The following LMNTD1 variants were observed in gnomAD, a reference collection of about 807,000 sequenced individuals.
LMNTD1 encodes the protein lamin tail domain-containing protein 1.
In LMNTD1, 35 loss-of-function variants were observed where a neutral mutation model predicts 50.9. The ratio of observed to expected loss-of-function variants is 0.69; its 90% CI spans 0.53 to 0.91. The LOEUF is 0.91. LMNTD1 is among the 40% of genes least tolerant of loss of function. LMNTD1 has a pLI of 0.00. For missense variants in LMNTD1, 470 were observed against 475.5 expected (o/e 0.99, Z 0.11); for synonymous variants, 153 against 161.9 (o/e 0.94, Z 0.42).
Position 25,488,670 on chromosome 12 carries a change from T to C in LMNTD1, c.*23-12210A>G, listed in dbSNP as rs1400161696. Among the ~76,000 whole-genome samples the C allele has an allele frequency of 1.6e-4, 25 of 152,304 alleles. No homozygotes were observed. The South Asian group carries it at 5.2e-3, about 32-fold the overall frequency. On this transcript the variant is annotated intron_variant, in intron 9 of 9. Coordinates refer to ENST00000458174, the MANE Select transcript of LMNTD1 (RefSeq NM_001145728.2). Reference sequence around the variant, plus strand: ...TCTCCATCCAGCTTTGTTCCGTTGCTGGTGAGGAACTGCGTTCCTTTGGAG... The same window carrying C: ...TCTCCATCCAGCTTTGTTCCGTTGCCGGTGAGGAACTGCGTTCCTTTGGAG...
At chr12:25,620,924 C>T (rs1479725691) in intron 1 of LMNTD1, among the ~76,000 whole-genome samples, 3 of 152,168 alleles carry the variant, frequency 2.0e-5, no homozygotes, top group Non-Finnish European at 4.4e-5. Flanking sequence ...CCCAACTTTA[C>T]AGATGGAGAG....
intron 6 of LMNTD1, among the ~76,000 whole-genome samples, chr12:25,522,230 A>AT (rs1009332246): frequency 6.6e-6 from 1 of 152,178 alleles, no homozygotes; most frequent in Non-Finnish European, 1.5e-5. Context: ...TTAGTTACGA[A>AT]TCCTCCCTTT....
intron 9 of LMNTD1, among the ~76,000 whole-genome samples, chr12:25,489,889 G>A (rs1358182141): frequency 1.3e-5 from 2 of 152,050 alleles, no homozygotes. Flanking sequence ...AAATTTATTG[G>A]TTTCACTTGA....
chr12:25,560,002 C>A (rs1044445562), intron 1 of LMNTD1, among the ~76,000 whole-genome samples: 2 of 152,182 alleles, frequency 1.3e-5, no homozygotes, highest in African/African-American at 4.8e-5. Context: ...TGCCTGTTCA[C>A]TCTGATGGTA....
At chr12:25,561,327 A>G (rs955122756) in intron 1 of LMNTD1, among the ~76,000 whole-genome samples, 7 of 152,162 alleles carry the variant, frequency 4.6e-5, no homozygotes, top group Non-Finnish European at 8.8e-5. Context: ...TGTCCCAGAG[A>G]TTCTGGTTCA....
intron 7 of LMNTD1, 85 bp from the exon 8 acceptor site, chr12:25,519,052 A>G (rs1331798117): frequency 1.1e-5 from 14 of 1,271,510 alleles, no homozygotes; most frequent in Non-Finnish European, 1.4e-5. Flanking sequence ...AAGGGGAAGC[A>G]TATTTCAAAA....
In LMNTD1 at chr12:25,516,926, A is replaced by G. The variant is rs1442836428; in HGVS notation, c.1189+1869T>C. On this transcript the variant is annotated intron_variant, in intron 8 of 9. Coordinates refer to ENST00000458174, the MANE Select transcript of LMNTD1 (RefSeq NM_001145728.2). ...ATGAACAGATACTTCTCTAAAGAAG[A>G]CATTTATGCAGCCAAAAAACACATG... Among the ~76,000 whole-genome samples the G allele has an allele frequency of 2.0e-5, 3 of 151,698 alleles. No individual in the cohort carries two copies. The East Asian group carries it at 5.8e-4, about 29-fold the overall frequency.
In LMNTD1 at chr12:25,526,759, T is replaced by C. The variant is rs369945977; in HGVS notation, c.678+10A>G. ...ATTCTAATGTACAGTATTTATACTCTTATACTCACTGTTACTGTGGAATTT... is the reference window on the plus strand; with the variant it reads ...ATTCTAATGTACAGTATTTATACTCCTATACTCACTGTTACTGTGGAATTT... On this transcript the variant is annotated intron_variant, in intron 5 of 9. Transcript: ENST00000458174. 71 of 1,575,756 alleles carry C rather than the reference T, an allele frequency of 4.5e-5. No homozygotes were observed. Among genetic ancestry groups the C allele is most frequent in the Non-Finnish European group, 3.6e-5 (42 of 1,152,358 alleles).
chr12:25,641,106 G>A (rs1946951898), intron 1 of LMNTD1, among the ~76,000 whole-genome samples: 1 of 152,190 alleles, frequency 6.6e-6, no homozygotes, highest in Admixed American at 6.5e-5. Context: ...CTAATACTGT[G>A]TTTGGCATGT....
Position 25,519,855 on chromosome 12 carries a change from T to C in LMNTD1, c.1016+3A>G. ...TAAAACAAACAAACCAAACAACCCT[T>C]ACCTCTTAAGAAGAACTTGAGCTTG... On this transcript the variant is annotated splice_donor_region_variant and intron_variant, in intron 7 of 9. Transcript: ENST00000458174. 1 of 1,602,772 alleles carries C rather than the reference T, an allele frequency of 6.2e-7. No homozygotes were observed. Among genetic ancestry groups the C allele is most frequent in the Non-Finnish European group, 8.5e-7 (1 of 1,172,158 alleles).
At chr12:25,593,288 G>A (rs564027834) in intron 1 of LMNTD1, among the ~76,000 whole-genome samples, 12 of 152,216 alleles carry the variant, frequency 7.9e-5, no homozygotes, top group Admixed American at 1.3e-4. Context: ...CCAAAGCCAA[G>A]GACCCTTACA....
Position 25,488,000 on chromosome 12 carries a change from C to G in LMNTD1, c.*23-11540G>C, listed in dbSNP as rs927860778. On this transcript the variant is annotated intron_variant, in intron 9 of 9. Transcript: ENST00000458174. The stretch of plus-strand genomic sequence containing the variant: ...GCTTGTGGGGTTTCTGCCGAGAGAT[C>G]CACTGTTAGTCTGATGGGCTTCCCT... Among the ~76,000 whole-genome samples, 97 of 149,188 alleles carry G rather than the reference C, an allele frequency of 6.5e-4. 1 individual carries two copies. The highest frequency in any genetic ancestry group is 2.3e-3 in the African/African-American group (93 of 40,604).
intron 1 of LMNTD1, among the ~76,000 whole-genome samples, chr12:25,600,473 C>T (rs376059517): frequency 6.6e-6 from 1 of 152,000 alleles, no homozygotes; most frequent in Non-Finnish European, 1.5e-5. Flanking sequence ...TAAAAAGCTT[C>T]TGCACAGTAA....
At chr12:25,599,360 G>A (rs1945913091) in intron 1 of LMNTD1, among the ~76,000 whole-genome samples, 1 of 151,886 alleles carries the variant, frequency 6.6e-6, no homozygotes, top group Non-Finnish European at 1.5e-5. Context: ...CATTCTGAAT[G>A]GGGAAAATCA....
chr12:25,514,949 T>C (rs1940643021), intron 8 of LMNTD1, among the ~76,000 whole-genome samples: 1 of 152,192 alleles, frequency 6.6e-6, no homozygotes. Flanking sequence ...AATATTTTAC[T>C]ATGTTGGTGG....
At chr12:25,583,213 G>T (rs1212043261) in intron 1 of LMNTD1, among the ~76,000 whole-genome samples, 10 of 97,618 alleles carry the variant, frequency 1.0e-4, no homozygotes, top group African/African-American at 3.6e-4. Flanking sequence ...ATTTTTAGTA[G>T]AGACGGGGTT....
rs180819969 is a variant in LMNTD1 at position 25,513,074 on chromosome 12, T to C, written c.1189+5721A>G. On this transcript the variant is annotated intron_variant, in intron 8 of 9. Coordinates refer to ENST00000458174, the MANE Select transcript of LMNTD1 (RefSeq NM_001145728.2). ...TCTGTATTATACTGAATAAAATTCC[T>C]AACCGCCTACATTGTAGAATTCAGA... Among the ~76,000 whole-genome samples the C allele has an allele frequency of 4.9e-4, 75 of 152,332 alleles. No individual in the cohort carries two copies. The East Asian group carries it at 0.012, about 24-fold the overall frequency.
chr12:25,489,730 C>G (rs558349428), intron 9 of LMNTD1, among the ~76,000 whole-genome samples: 363 of 152,042 alleles, frequency 2.4e-3, no homozygotes, highest in Middle Eastern at 6.8e-3. Flanking sequence ...AATGAAATTA[C>G]AAAAGAAAAC....
At position 25,533,292 on chromosome 12, in the gene LMNTD1, C is replaced by T. The variant is rs575675122; in HGVS notation, c.492-6337G>A. ...TCTTTAATAGGAAAGTGACCTGAGA[C>T]CTCTACTTATAATTTGTGATTGACT... is the stretch of plus-strand genomic sequence containing the variant. On this transcript the variant is annotated intron_variant, in intron 4 of 9. Transcript: ENST00000458174. 1.7e-4 allele frequency among the ~76,000 whole-genome samples: 26 copies of T among 152,254 alleles called. No homozygotes were observed. The South Asian group carries it at 5.2e-3, about 30-fold the overall frequency.
Sources: gnomAD v4.1 joint callset for allele counts (sites outside exome capture counted in the v4.1 genomes callset) on GRCh38, gnomAD v4.1.1 for gene constraint, MANE v1.5 for transcripts, NCBI Gene and HGNC (gene_info 2026-07-23, HGNC 2026-07-21) for gene names.